Variants in RGS7 observed in about 807,000 individuals in gnomAD.
RGS7 encodes the protein regulator of G-protein signaling 7.
Under a neutral mutation model 81.1 loss-of-function variants are expected in RGS7, and 27 were observed. The ratio of observed to expected loss-of-function variants is 0.33; its 90% confidence interval spans 0.25 to 0.46. The LOEUF (loss-of-function observed/expected upper bound fraction) is 0.46, where lower values mean the gene tolerates loss of function less well. RGS7 is among the 20% of genes least tolerant of loss of function. The pLI is 1.00. For synonymous variants in RGS7, 208 were observed against 207.7 expected, an observed-to-expected ratio of 1.00 and a Z score of -0.01; for missense variants, 396 against 607.4, an observed-to-expected ratio of 0.65 and a Z score of 3.66.
At chr1:241,275,631 G>C (rs1388694935) in intron 2 of RGS7, among the ~76,000 whole-genome samples, 1 of 152,168 alleles carries the variant, frequency 6.6e-6, no homozygotes, top group Non-Finnish European at 1.5e-5. Flanking sequence ...TTAAGGGCAG[G>C]CAGGATATTT....
At chr1:240,793,607 ATATATT>A (rs1430069138) in intron 18 of RGS7, among the ~76,000 whole-genome samples, 1 of 33,866 alleles carries the variant, frequency 3.0e-5, no homozygotes, top group Non-Finnish European at 6.1e-5. Context: ...ATATATATAT[ATATATT>A]TTTTTTTTTT....
At chr1:240,921,588 C>CA (rs1239998885) in intron 6 of RGS7, among the ~76,000 whole-genome samples, 2 of 151,690 alleles carry the variant, frequency 1.3e-5, no homozygotes, top group Non-Finnish European at 2.9e-5. Flanking sequence ...TTGCAGGGTA[C>CA]AAAAAAAGTC....
intron 2 of RGS7, among the ~76,000 whole-genome samples, chr1:241,293,620 C>T (rs897533140): frequency 6.6e-6 from 1 of 151,922 alleles, no homozygotes; most frequent in African/African-American, 2.4e-5. Flanking sequence ...CACAAAAAGG[C>T]TTATAGAATA....
In RGS7 at chr1:241,271,742, G is replaced by A. The variant is rs2077907805; in HGVS notation, c.78+83957C>T. On this transcript the variant is annotated intron_variant, in intron 2 of 18. Coordinates refer to ENST00000440928, the MANE Select transcript of RGS7 (RefSeq NM_001364886.1). This position sits in a 1 kb window ranked among gnomAD's most constrained non-coding sequence, Gnocchi z 4.6. ...CTTGAGCTAGGACATTGGCCTTGGA[G>A]TGGGATTTACACCAGCATCATTTCT... 6.6e-6 allele frequency among the ~76,000 whole-genome samples: 1 copy of A among 152,156 alleles called. No individual in the cohort carries two copies. The highest frequency in any genetic ancestry group is 1.5e-5 in the Non-Finnish European group (1 of 68,028).
chr1:241,085,892 A>G (rs531597193), intron 3 of RGS7, among the ~76,000 whole-genome samples: 47 of 152,314 alleles, frequency 3.1e-4, no homozygotes, highest in Middle Eastern at 3.4e-3. Context: ...ACATAGCACA[A>G]TGGGATTCCT....
chr1:241,183,473 C>T (rs1044891637), intron 2 of RGS7, among the ~76,000 whole-genome samples: 6 of 152,186 alleles, frequency 3.9e-5, no homozygotes, highest in Non-Finnish European at 7.3e-5. Context: ...CTCTGTCTCG[C>T]AGCTGACATT....
intron 3 of RGS7, among the ~76,000 whole-genome samples, chr1:241,009,995 G>C (rs2058874863): frequency 6.6e-6 from 1 of 152,096 alleles, no homozygotes; most frequent in South Asian, 2.1e-4. Context: ...GAGAACACAT[G>C]GACACAGGGA....
intron 2 of RGS7, among the ~76,000 whole-genome samples, chr1:241,225,949 G>T (rs1348852028): frequency 6.6e-6 from 1 of 152,172 alleles, no homozygotes; most frequent in Admixed American, 6.5e-5. Context: ...AAACAGTTGA[G>T]ACCTACTCAA....
At chr1:241,247,010 CA>C (rs890071582) in intron 2 of RGS7, among the ~76,000 whole-genome samples, 5 of 151,788 alleles carry the variant, frequency 3.3e-5, no homozygotes, top group African/African-American at 9.7e-5. Flanking sequence ...GAAAATTTTG[CA>C]AAAGACTAAA....
chr1:240,933,141 C>G (rs1350663037), intron 5 of RGS7, among the ~76,000 whole-genome samples: 1 of 151,522 alleles, frequency 6.6e-6, no homozygotes, highest in African/African-American at 2.4e-5. Flanking sequence ...CTCGGCCCCA[C>G]AAAGTGCTGG....
intron 3 of RGS7, among the ~76,000 whole-genome samples, chr1:241,067,250 A>G (rs1222271478): frequency 1.3e-5 from 2 of 152,210 alleles, no homozygotes; most frequent in African/African-American, 2.4e-5. Flanking sequence ...CTTTCGAAGT[A>G]TAAGGATTGT....
At chr1:241,281,106 A>C (rs182664128) in intron 2 of RGS7, among the ~76,000 whole-genome samples, 22 of 152,342 alleles carry the variant, frequency 1.4e-4, no homozygotes, top group Non-Finnish European at 8.8e-5. Flanking sequence ...ATATGTAGAT[A>C]CTAGTCTACT....
chr1:241,028,420 G>A (rs1483132964), intron 3 of RGS7, among the ~76,000 whole-genome samples: 1 of 152,152 alleles, frequency 6.6e-6, no homozygotes, highest in African/African-American at 2.4e-5. Flanking sequence ...CTTTACTGTT[G>A]CAATGGTATT....
chr1:241,324,569 T>C (rs1224945806), intron 2 of RGS7, among the ~76,000 whole-genome samples: 1 of 152,188 alleles, frequency 6.6e-6, no homozygotes, highest in Non-Finnish European at 1.5e-5. Context: ...TAATTCACAG[T>C]CACCTCTAAT....
intron 6 of RGS7, chr1:240,919,617 T>A (rs564045213): frequency 9.6e-6 from 3 of 312,574 alleles, no homozygotes; most frequent in Non-Finnish European, 1.8e-5. Context: ...ACAGCTAATA[T>A]AGTACAAATG....
At chr1:241,197,633 A>T (rs2147829299) in intron 2 of RGS7, among the ~76,000 whole-genome samples, 1 of 152,082 alleles carries the variant, frequency 6.6e-6, no homozygotes, top group Non-Finnish European at 1.5e-5. Context: ...CCATAATGAT[A>T]GAACAGTCAA....
intron 3 of RGS7, among the ~76,000 whole-genome samples, chr1:241,055,283 T>C (rs993246901): frequency 2.0e-5 from 3 of 152,122 alleles, no homozygotes; most frequent in Admixed American, 6.6e-5. Flanking sequence ...CCAATTCTGA[T>C]GGTAATCACA....
intron 2 of RGS7, among the ~76,000 whole-genome samples, chr1:241,310,431 GTGTC>G (rs1398873583): frequency 1.7e-5 from 2 of 118,646 alleles, no homozygotes; most frequent in East Asian, 2.7e-4. Flanking sequence ...GAGTGTATGT[GTGTC>G]TGTGTGTGTG....
chr1:240,842,310 TG>T (rs1356417153), intron 9 of RGS7, among the ~76,000 whole-genome samples: 1 of 149,404 alleles, frequency 6.7e-6, no homozygotes, highest in Non-Finnish European at 1.5e-5. Flanking sequence ...GCGATTCTCA[TG>T]CCTCAGCCTC....
Sources: gnomAD v4.1 joint callset for allele counts (sites outside exome capture counted in the v4.1 genomes callset) on GRCh38, gnomAD v4.1.1 for gene constraint, Gnocchi (gnomAD v3.1) non-coding constraint, MANE v1.5 for transcripts, NCBI Gene and HGNC (gene_info 2026-07-23, HGNC 2026-07-21) for gene names.